ZNF385D: variants seen among roughly 807,000 people sequenced by gnomAD.
ZNF385D encodes the protein zinc finger protein 385D.
In ZNF385D, 15 loss-of-function variants were observed where a neutral mutation model predicts 35.8. The ratio of observed to expected loss-of-function variants is 0.42; its 90% CI spans 0.28 to 0.64. The LOEUF (loss-of-function observed/expected upper bound fraction) is 0.64, where lower values mean the gene tolerates loss of function less well. Among genes scored for constraint, ZNF385D ranks in the 30% least tolerant of loss-of-function variants. The pLI, the probability that ZNF385D is intolerant of heterozygous loss-of-function variation, is 0.23. For synonymous variants in ZNF385D, 212 were observed against 186.8 expected, an observed-to-expected ratio of 1.13 and a Z score of -1.10; for missense variants, 474 against 494.6, an observed-to-expected ratio of 0.96 and a Z score of 0.39.
chr3:22,063,260 G>T (rs1195130168), intron 3 of ZNF385D, among the ~76,000 whole-genome samples: 1 of 152,036 alleles, frequency 6.6e-6, no homozygotes, highest in African/African-American at 2.4e-5. Context: ...ATTTATTGTA[G>T]TGAAAAATTC....
At chr3:21,579,472 G>C (rs891827632) in intron 2 of ZNF385D, 39 of 152,032 alleles carry the variant, frequency 2.6e-4, no homozygotes, top group Admixed American at 7.2e-4. Context: ...TGACTTTACT[G>C]TTAAAATTTT....
At chr3:21,892,858 T>C (rs1348585181) in intron 3 of ZNF385D, among the ~76,000 whole-genome samples, 1 of 152,166 alleles carries the variant, frequency 6.6e-6, no homozygotes, top group African/African-American at 2.4e-5. Flanking sequence ...AGTCCACTTG[T>C]TTTATATTTT....
At chr3:21,552,095 A>G (rs1438718715) in intron 3 of ZNF385D, among the ~76,000 whole-genome samples, 1 of 152,208 alleles carries the variant, frequency 6.6e-6, no homozygotes, top group African/African-American at 2.4e-5. Flanking sequence ...CTGAATTACA[A>G]TGTTATTTTT....
intron 3 of ZNF385D, among the ~76,000 whole-genome samples, chr3:21,769,560 T>G (rs9851385): frequency 1.4e-5 from 1 of 70,276 alleles, no homozygotes; most frequent in African/African-American, 7.0e-5. Context: ...AGGAGAACTA[T>G]AAACCACTGC....
intron 4 of ZNF385D, among the ~76,000 whole-genome samples, chr3:21,495,717 A>T (rs1009887836): frequency 6.6e-6 from 1 of 152,166 alleles, no homozygotes; most frequent in Non-Finnish European, 1.5e-5. Flanking sequence ...AACTGAAGGA[A>T]AGTGAGATGT....
chr3:22,130,862 C>T (rs1210396353), intron 3 of ZNF385D, among the ~76,000 whole-genome samples: 1 of 152,066 alleles, frequency 6.6e-6, no homozygotes, highest in Admixed American at 6.6e-5. Flanking sequence ...GGGGAACAAT[C>T]ATTAGTGGGT....
intron 3 of ZNF385D, among the ~76,000 whole-genome samples, chr3:22,044,717 G>C (rs1002793070): frequency 1.3e-5 from 2 of 152,056 alleles, no homozygotes; most frequent in East Asian, 3.9e-4. Flanking sequence ...AAGGAAGGTG[G>C]AGAGAATGGA....
chr3:22,198,597 G>C (rs948442756), intron 2 of ZNF385D, among the ~76,000 whole-genome samples: 1 of 151,920 alleles, frequency 6.6e-6, no homozygotes, highest in Non-Finnish European at 1.5e-5. Flanking sequence ...ACCTGGCCTC[G>C]ACATATTTAA....
At chr3:21,688,259 T>C (rs2067173606) in intron 1 of ZNF385D, among the ~76,000 whole-genome samples, 1 of 152,212 alleles carries the variant, frequency 6.6e-6, no homozygotes, top group South Asian at 2.1e-4. Context: ...AATATACTTC[T>C]AAAACATAAT....
intron 1 of ZNF385D, among the ~76,000 whole-genome samples, chr3:21,727,004 C>G (rs1173720897): frequency 1.3e-5 from 2 of 152,104 alleles, no homozygotes; most frequent in African/African-American, 4.8e-5. Context: ...ACAGAGCCCT[C>G]AGAAATAAAA....
intron 2 of ZNF385D, among the ~76,000 whole-genome samples, chr3:22,231,105 G>A (rs1698861967): frequency 6.6e-6 from 1 of 152,086 alleles, no homozygotes; most frequent in Non-Finnish European, 1.5e-5. Flanking sequence ...GGCCTTTAAT[G>A]TTTTCAACAA....
intron 2 of ZNF385D, among the ~76,000 whole-genome samples, chr3:22,282,303 C>T (rs1322123326): frequency 6.6e-6 from 1 of 151,830 alleles, no homozygotes; most frequent in East Asian, 1.9e-4. Flanking sequence ...GTTTCTGTAG[C>T]TCCTTGAAAT....
rs79909987 is a variant in ZNF385D at position 22,132,229 on chromosome 3, C to T, written c.325+36588G>A. On this transcript the variant is annotated intron_variant, in intron 3 of 5. Coordinates refer to the ZNF385D transcript ENST00000494108. ...AGAACCCTAATGAATGGCAATAGAG[C>T]CCCTATAAAAAAAGGAAACAGACCT... 2.9e-3 allele frequency among the ~76,000 whole-genome samples: 448 copies of T among 152,068 alleles called. 7 individuals are homozygous for T. The East Asian group carries it at 0.043, about 15-fold the overall frequency.
At chr3:22,238,090 TA>T (rs1224410378) in intron 2 of ZNF385D, among the ~76,000 whole-genome samples, 1 of 150,998 alleles carries the variant, frequency 6.6e-6, no homozygotes, top group Admixed American at 6.6e-5. Flanking sequence ...GTAGTCTTGT[TA>T]AAAAAACAAA....
intron 3 of ZNF385D, among the ~76,000 whole-genome samples, chr3:21,864,306 C>G (rs1299856894): frequency 2.0e-5 from 3 of 152,008 alleles, no homozygotes; most frequent in Admixed American, 6.6e-5. Context: ...TCATATCAAC[C>G]CCATTTACGG....
In ZNF385D at chr3:21,871,521, A is replaced by G. The variant is rs1237133937; in HGVS notation, c.326-206493T>C. 2.6e-5 allele frequency among the ~76,000 whole-genome samples: 4 copies of G among 152,190 alleles called. No homozygotes were observed. The East Asian group carries it at 7.7e-4, about 29-fold the overall frequency. On this transcript the variant is annotated intron_variant, in intron 3 of 5. Transcript: ENST00000494108. ...CATGGTTTTGAAAAGTGACTGGCAT[A>G]TAGTAGGTACTCAATAAATAACTGT...
chr3:21,961,289 G>C (rs1702578296), intron 3 of ZNF385D: 1 of 152,010 alleles, frequency 6.6e-6, no homozygotes, highest in African/African-American at 2.4e-5. Context: ...ATAAATGAAT[G>C]AAAGAACAGA....
intron 2 of ZNF385D, among the ~76,000 whole-genome samples, chr3:22,256,813 A>T (rs1389502363): frequency 1.3e-5 from 2 of 151,868 alleles, no homozygotes; most frequent in Non-Finnish European, 2.9e-5. Flanking sequence ...TGTTGTAATG[A>T]ACTAAAACTC....
At chr3:21,628,427 G>A (rs899918891) in intron 2 of ZNF385D, among the ~76,000 whole-genome samples, 12 of 151,894 alleles carry the variant, frequency 7.9e-5, no homozygotes, top group Non-Finnish European at 1.6e-4. Context: ...TGTTACCTTA[G>A]GCAAGTCATT....
Sources: gnomAD v4.1 joint callset for allele counts (sites outside exome capture counted in the v4.1 genomes callset) on GRCh38, gnomAD v4.1.1 for gene constraint, MANE v1.5 for transcripts, NCBI Gene and HGNC (gene_info 2026-07-23, HGNC 2026-07-21) for gene names.